Variants in NCAM2 observed in about 807,000 individuals in gnomAD.
NCAM2 encodes N-CAM-2.
NCAM2 carries 30 observed loss-of-function variants against 98.1 expected under a neutral mutation model. That is an observed-to-expected ratio of 0.31 (90% CI 0.23 to 0.41). The LOEUF (loss-of-function observed/expected upper bound fraction) is 0.41, where lower values mean the gene tolerates loss of function less well. Ranked by LOEUF, NCAM2 falls within the 10% of genes least tolerant of loss-of-function variation. The probability of loss-of-function intolerance (pLI) is 1.00; values close to 1 mark genes in which losing one functional copy is unlikely to be tolerated. For synonymous variants in NCAM2, 368 were observed against 342.4 expected (o/e 1.07, Z -0.83); for missense variants, 867 against 1,005.8 (o/e 0.86, Z 1.87).
intron 16 of NCAM2, among the ~76,000 whole-genome samples, chr21:21,512,304 A>G (rs887287251): frequency 2.0e-5 from 3 of 151,956 alleles, no homozygotes; most frequent in Admixed American, 1.3e-4. Context: ...TTCATCATCT[A>G]TATATGGATG....
intron 9 of NCAM2, among the ~76,000 whole-genome samples, chr21:21,375,239 CTGATA>C (rs2076006640): frequency 6.7e-6 from 1 of 150,174 alleles, no homozygotes; most frequent in African/African-American, 2.4e-5. Context: ...AAAACACCCA[CTGATA>C]TATTTGTTAA....
intron 10 of NCAM2, among the ~76,000 whole-genome samples, chr21:21,412,211 C>G (rs73214405): frequency 0.012 from 1,830 of 152,188 alleles, no homozygotes; most frequent in Non-Finnish European, 0.018. Flanking sequence ...CGCCTTCTTG[C>G]TGTGTCCTCA....
At chr21:21,159,785 G>T (rs1398297672) in intron 1 of NCAM2, among the ~76,000 whole-genome samples, 1 of 151,856 alleles carries the variant, frequency 6.6e-6, no homozygotes, top group African/African-American at 2.4e-5. Flanking sequence ...ATATGTTTTT[G>T]TGTGTGTATA....
At chr21:21,350,683 C>T (rs2075310108) in intron 8 of NCAM2, among the ~76,000 whole-genome samples, 2 of 152,260 alleles carry the variant, frequency 1.3e-5, no homozygotes, top group South Asian at 4.1e-4. Context: ...CTATTGTTAT[C>T]TGTCATCCAA....
In NCAM2 at chr21:21,257,500, G is replaced by C. The variant is rs142762427; in HGVS notation, c.56-23078G>C. ...AAACAATTTAACAATGTCTTCAAAG[G>C]CTTTGCTAGATTAGACAGTACGAAA... On this transcript the variant is annotated intron_variant, in intron 1 of 17. Coordinates refer to ENST00000400546, the MANE Select transcript of NCAM2 (RefSeq NM_004540.5). 3.8e-3 allele frequency among the ~76,000 whole-genome samples: 582 copies of C among 152,246 alleles called. 4 individuals carry two copies. Among genetic ancestry groups the C allele is most frequent in the Middle Eastern group, 0.034 (10 of 294 alleles).
chr21:21,474,971 T>C (rs1235221930), intron 14 of NCAM2, among the ~76,000 whole-genome samples: 1 of 150,772 alleles, frequency 6.6e-6, no homozygotes, highest in Non-Finnish European at 1.5e-5. Context: ...TTTTGTTCTA[T>C]GTAGGTCTAT....
At chr21:21,220,847 G>T (rs2070117972) in intron 1 of NCAM2, among the ~76,000 whole-genome samples, 1 of 152,144 alleles carries the variant, frequency 6.6e-6, no homozygotes, top group South Asian at 2.1e-4. Flanking sequence ...TGATAAGATT[G>T]CCACAGGTGG....
At position 21,424,026 on chromosome 21, in the gene NCAM2, T is replaced by G. The variant is rs1201723105; in HGVS notation, c.1480+5457T>G. 3.9e-5 allele frequency among the ~76,000 whole-genome samples: 6 copies of G among 152,216 alleles called. No homozygotes were observed. The South Asian group carries it at 1.2e-3, about 31-fold the overall frequency. On this transcript the variant is annotated intron_variant, in intron 11 of 17. Transcript: ENST00000400546. ...ATAACACTTGAAAGCATGTTAAAAT[T>G]AGTTCATTTGGTATCACACTTTCTT...
intron 12 of NCAM2, among the ~76,000 whole-genome samples, chr21:21,446,223 C>G (rs769601432): frequency 5.9e-5 from 9 of 152,074 alleles, no homozygotes; most frequent in Admixed American, 5.9e-4. Flanking sequence ...ATGGGCTTCC[C>G]CATGTAGGTG....
intron 1 of NCAM2, among the ~76,000 whole-genome samples, chr21:21,041,791 A>C (rs545156154): frequency 1.3e-5 from 2 of 152,322 alleles, no homozygotes; most frequent in South Asian, 4.1e-4. Context: ...TCTATTCACA[A>C]ACACTTGTCC....
At chr21:21,454,860 TA>T (rs1306023468) in intron 12 of NCAM2, among the ~76,000 whole-genome samples, 1 of 151,902 alleles carries the variant, frequency 6.6e-6, no homozygotes, top group Non-Finnish European at 1.5e-5. Flanking sequence ...AATTTCTTAA[TA>T]AATAGAAAAA....
intron 13 of NCAM2, 137 bp downstream of exon 13, chr21:21,466,862 C>T: frequency 1.1e-6 from 1 of 919,030 alleles, no homozygotes; most frequent in Non-Finnish European, 1.6e-6. Context: ...TTTCTGAAGA[C>T]AGTGACATCT....
chr21:21,243,035 CA>C (rs1294812483), intron 1 of NCAM2, among the ~76,000 whole-genome samples: 1 of 308 alleles, frequency 3.2e-3, no homozygotes, highest in African/African-American at 0.012. Context: ...GCTAAGGTTT[CA>C]TAAAATAATT....
At chr21:21,486,703 A>G (rs1986417654) in intron 15 of NCAM2, among the ~76,000 whole-genome samples, 1 of 152,190 alleles carries the variant, frequency 6.6e-6, no homozygotes, top group South Asian at 2.1e-4. Context: ...ATACTTATTT[A>G]GTAAGTTAGT....
intron 8 of NCAM2, among the ~76,000 whole-genome samples, chr21:21,370,086 C>T (rs232509): frequency 0.36 from 54,196 of 151,428 alleles, 9,897 homozygotes; most frequent in East Asian, 0.58. Context: ...CAATTGCCCC[C>T]TAAAATTACA....
At position 21,111,592 on chromosome 21, in the gene NCAM2, G is replaced by A. The variant is rs1006645049; in HGVS notation, c.55+112974G>A. Among the ~76,000 whole-genome samples the A allele has an allele frequency of 4.6e-5, 7 of 152,160 alleles. No homozygotes were observed. In the East Asian group the frequency reaches 1.3e-3, roughly 29 times the overall value. The stretch of plus-strand genomic sequence containing the variant: ...ACATGCTACGGATTAAGGAAGATCT[G>A]ATACAGAGCAGGGATAATCCATTCA... On this transcript the variant is annotated intron_variant, in intron 1 of 17. Transcript: ENST00000400546.
chr21:21,231,714 A>G (rs2070635134), intron 1 of NCAM2, among the ~76,000 whole-genome samples: 1 of 151,358 alleles, frequency 6.6e-6, no homozygotes, highest in Admixed American at 6.6e-5. Context: ...ATGAGATATT[A>G]TTTATGGATA....
At chr21:21,249,739 C>A (rs540159364) in intron 1 of NCAM2, among the ~76,000 whole-genome samples, 14 of 152,098 alleles carry the variant, frequency 9.2e-5, no homozygotes, top group Admixed American at 7.2e-4. Flanking sequence ...AGTGTCCCTA[C>A]AAGGAACAAG....
chr21:21,071,560 T>C lies in NCAM2; in HGVS notation c.55+72942T>C, dbSNP rs951232478. Reference sequence around the variant, plus strand: ...TTAAAGTGAAGTTGCAGGCATTGCATTGAAAAAGGTTTATGCAGCTATAGC... The same window carrying C: ...TTAAAGTGAAGTTGCAGGCATTGCACTGAAAAAGGTTTATGCAGCTATAGC... On this transcript the variant is annotated intron_variant, in intron 1 of 17. Coordinates refer to ENST00000400546, the MANE Select transcript of NCAM2 (RefSeq NM_004540.5). Among the ~76,000 whole-genome samples, 5 of 152,290 alleles carry C rather than the reference T, an allele frequency of 3.3e-5. No homozygotes were observed. The East Asian group carries it at 9.7e-4, about 29-fold the overall frequency.
Sources: gnomAD v4.1 joint callset for allele counts (sites outside exome capture counted in the v4.1 genomes callset) on GRCh38, gnomAD v4.1.1 for gene constraint, MANE v1.5 for transcripts, NCBI Gene and HGNC (gene_info 2026-07-23, HGNC 2026-07-21) for gene names.